NUMB: variants seen among roughly 807,000 people sequenced by gnomAD.
NUMB encodes protein numb homolog.
Under a neutral mutation model 59.7 loss-of-function variants are expected in NUMB, and 29 were observed. That is an observed-to-expected ratio of 0.49 (90% CI 0.36 to 0.66). NUMB has a LOEUF of 0.66. NUMB is among the 30% of genes least tolerant of loss of function. The probability of loss-of-function intolerance (pLI) is 0.00; values close to 1 mark genes in which losing one functional copy is unlikely to be tolerated. For synonymous variants in NUMB, 288 were observed against 288.2 expected, an observed-to-expected ratio of 1.00 and a Z score of 0.01; for missense variants, 723 against 822.0, an observed-to-expected ratio of 0.88 and a Z score of 1.47.
chr14:73,332,074 G>C (rs966359278), intron 4 of NUMB, among the ~76,000 whole-genome samples: 1 of 151,698 alleles, frequency 6.6e-6, no homozygotes, highest in African/African-American at 2.4e-5. Flanking sequence ...TTTTCCATTT[G>C]AGTCCAGGCA....
chr14:73,420,121 A>G (rs886432530), intron 1 of NUMB, among the ~76,000 whole-genome samples: 3 of 152,228 alleles, frequency 2.0e-5, no homozygotes, highest in East Asian at 1.9e-4. Flanking sequence ...TTGGCCTCCC[A>G]AAGTGCTGGG....
At chr14:73,365,360 A>G (rs757774940) in intron 3 of NUMB, among the ~76,000 whole-genome samples, 8 of 152,154 alleles carry the variant, frequency 5.3e-5, no homozygotes, top group Non-Finnish European at 8.8e-5. Flanking sequence ...TTCTTTATGG[A>G]AAAAAGAGAA....
chr14:73,292,930 C>T, intron 7 of NUMB, 56 bp from the exon 8 acceptor site: 2 of 1,558,178 alleles, frequency 1.3e-6, no homozygotes, highest in East Asian at 4.5e-5. Context: ...CTGAGCTTCT[C>T]AGAACACAGG....
At chr14:73,385,662 C>T (rs538439926) in intron 2 of NUMB, among the ~76,000 whole-genome samples, 1 of 151,734 alleles carries the variant, frequency 6.6e-6, no homozygotes, top group African/African-American at 2.4e-5. Context: ...CCACCACACC[C>T]GGCTAATTTT....
chr14:73,378,613 A>T (rs1895085064), intron 2 of NUMB, among the ~76,000 whole-genome samples: 1 of 152,140 alleles, frequency 6.6e-6, no homozygotes, highest in African/African-American at 2.4e-5. Context: ...ACATGGAGGA[A>T]CCTTAAATGC....
chr14:73,413,302 G>C (rs1433384159), intron 1 of NUMB, among the ~76,000 whole-genome samples: 2 of 150,680 alleles, frequency 1.3e-5, no homozygotes, highest in East Asian at 4.0e-4. Context: ...GGCCAGGCTG[G>C]TCTTTAACTT....
At chr14:73,305,539 C>T (rs913310958) in intron 6 of NUMB, among the ~76,000 whole-genome samples, 1 of 152,024 alleles carries the variant, frequency 6.6e-6, no homozygotes, top group Admixed American at 6.6e-5. Flanking sequence ...CATTTGGAGG[C>T]AAGACAGCTC....
chr14:73,353,072 G>GTTTTTTTTTTATTTTTT (rs1893528289), intron 4 of NUMB, among the ~76,000 whole-genome samples: 1 of 58,514 alleles, frequency 1.7e-5, no homozygotes, highest in Non-Finnish European at 3.3e-5. Flanking sequence ...AGTTTTTCTT[G>GTTTTTTTTTTATTTTTT]TTTTTTTTTT....
chr14:73,355,808 T>C, intron 3 of NUMB, 42 bp from the exon 4 acceptor site: 1 of 1,475,476 alleles, frequency 6.8e-7, no homozygotes, highest in Non-Finnish European at 9.3e-7. Flanking sequence ...AAATATTACC[T>C]TCTTACATAT....
intron 7 of NUMB, among the ~76,000 whole-genome samples, chr14:73,293,478 G>A (rs1433867119): frequency 7.0e-6 from 1 of 142,062 alleles, no homozygotes; most frequent in Non-Finnish European, 1.5e-5. Flanking sequence ...TGCAACCTCT[G>A]CCTCCCGGGT....
chr14:73,347,146 G>T (rs1184796977), intron 4 of NUMB, among the ~76,000 whole-genome samples: 2 of 152,034 alleles, frequency 1.3e-5, no homozygotes, highest in Non-Finnish European at 2.9e-5. Flanking sequence ...CACTTTAAAT[G>T]AGTACACTTC....
chr14:73,407,151 T>C (rs1046809127), intron 2 of NUMB, among the ~76,000 whole-genome samples: 1 of 151,632 alleles, frequency 6.6e-6, no homozygotes, highest in South Asian at 2.1e-4. Context: ...CCTCATCTTG[T>C]TTTTAAATGC....
Position 73,369,590 on chromosome 14 carries a change from C to T in NUMB, c.-100-2609G>A, listed in dbSNP as rs551930723. On this transcript the variant is annotated intron_variant, in intron 2 of 12. Coordinates refer to ENST00000555238, the MANE Select transcript of NUMB (RefSeq NM_001005743.2). ...TGTGAAATGAGTTACATACAGCTGA[C>T]TAACAAAAGGAAGCCTAATTTTTTG... Among the ~76,000 whole-genome samples, 3 of 152,310 alleles carry T rather than the reference C, an allele frequency of 2.0e-5. No individual in the cohort carries two copies. The East Asian group carries it at 5.8e-4, about 29-fold the overall frequency.
rs148868839 is a variant in NUMB, at chr14:73,414,747, T to C, written c.-232-4679A>G. Among the ~76,000 whole-genome samples the C allele has an allele frequency of 6.9e-3, 1,043 of 152,044 alleles. 5 individuals carry two copies. The highest frequency in any genetic ancestry group is 0.03 in the South Asian group (144 of 4,824). ...GGGGGGGGCGGGTTTTGAGACTGAG[T>C]CTCGCTCTGTTGCCCAGGCTGGAGT... On this transcript the variant is annotated intron_variant, in intron 1 of 12. Transcript: ENST00000555238.
intron 6 of NUMB, among the ~76,000 whole-genome samples, chr14:73,302,271 G>A (rs563108322): frequency 1.3e-5 from 2 of 152,118 alleles, no homozygotes; most frequent in South Asian, 4.2e-4. Flanking sequence ...GTGGGTTCTT[G>A]TACATCATTA....
rs147741577 is a variant in NUMB at position 73,289,543 on chromosome 14, C to T, written c.451-2229G>A. Reference sequence around the variant, plus strand: ...TCACGTAGGCAGCTGCTCCTACACACGGCTCTGAACAAGTCGTCTCACTGG... The same window carrying T: ...TCACGTAGGCAGCTGCTCCTACACATGGCTCTGAACAAGTCGTCTCACTGG... On this transcript the variant is annotated intron_variant, in intron 8 of 12. Transcript: ENST00000555238. Among the ~76,000 whole-genome samples, 23 of 152,280 alleles carry T rather than the reference C, an allele frequency of 1.5e-4. No individual in the cohort carries two copies. The South Asian group carries it at 1.7e-3, about 11-fold the overall frequency.
chr14:73,350,152 G>A (rs1287216542), intron 4 of NUMB, among the ~76,000 whole-genome samples: 2 of 150,786 alleles, frequency 1.3e-5, no homozygotes, highest in East Asian at 3.9e-4. Flanking sequence ...TCTCTGCTCA[G>A]GGCAATATGA....
At chr14:73,279,484 C>T (rs1888459027) in intron 11 of NUMB, 60 bp from the exon 12 acceptor site, 2 of 1,483,902 alleles carry the variant, frequency 1.3e-6, no homozygotes, top group South Asian at 2.7e-5. Flanking sequence ...CAAGTGACCC[C>T]TTGGAGCTGT....
chr14:73,391,579 GTTC>G (rs1895856733), intron 2 of NUMB, among the ~76,000 whole-genome samples: 4 of 152,168 alleles, frequency 2.6e-5, no homozygotes, highest in South Asian at 4.1e-4. Context: ...AAGGTCAGTG[GTTC>G]TCAAGCTTTA....
Sources: gnomAD v4.1 joint callset for allele counts (sites outside exome capture counted in the v4.1 genomes callset) on GRCh38, gnomAD v4.1.1 for gene constraint, MANE v1.5 for transcripts, NCBI Gene and HGNC (gene_info 2026-07-23, HGNC 2026-07-21) for gene names.